HAUS1: variants seen among roughly 807,000 people sequenced by gnomAD.
HAUS1 encodes the protein HAUS augmin-like complex subunit 1.
HAUS1 carries 25 observed loss-of-function variants against 38.6 expected under a neutral mutation model. The ratio of observed to expected loss-of-function variants is 0.65; its 90% CI spans 0.47 to 0.91. The LOEUF is 0.91. Among genes scored for constraint, HAUS1 ranks in the 40% least tolerant of loss-of-function variants. The pLI is 0.00. For missense variants in HAUS1, 325 were observed against 328.4 expected (o/e 0.99, Z 0.08); for synonymous variants, 109 against 112.9 (o/e 0.97, Z 0.22).
In HAUS1 at chr18:46,123,286, T is replaced by A. The variant is rs199705963; in HGVS notation, c.601-13T>A. The stretch of plus-strand genomic sequence containing the variant: ...TAATTTTTTAACTGAACTCCTTTTT[T>A]TGGTAATTGTAGGAGCAACTTTCAG... On this transcript the variant is annotated splice_polypyrimidine_tract_variant and intron_variant, in intron 5 of 8. Coordinates refer to ENST00000282058, the MANE Select transcript of HAUS1 (RefSeq NM_138443.4). The A allele has an allele frequency of 5.0e-6, 8 of 1,586,034 alleles. No individual in the cohort carries two copies. The East Asian group carries it at 1.6e-4, about 31-fold the overall frequency.
chr18:46,124,416 CA>C lies in HAUS1; in HGVS notation c.667-386del, dbSNP rs34364685. Among the ~76,000 whole-genome samples, 575 of 87,618 alleles carry C rather than the reference CA, an allele frequency of 6.6e-3. 2 individuals carry two copies. The highest frequency in any genetic ancestry group is 0.017 in the African/African-American group (407 of 24,402). 57.5% of individuals were successfully genotyped at this position (87,618 alleles called of 152,430 possible). A position where few individuals can be genotyped will look rare whatever the true frequency, so the allele number is the denominator to read the frequency against. ...TGGGTGACAGAGCAAGACTCTATCTCAAAAAAAAAAAAAAAAAAAATTAGCC... is the reference window on the plus strand; with the variant it reads ...TGGGTGACAGAGCAAGACTCTATCTCAAAAAAAAAAAAAAAAAAATTAGCC... On this transcript the variant is annotated intron_variant, in intron 6 of 8. Coordinates refer to ENST00000282058, the MANE Select transcript of HAUS1 (RefSeq NM_138443.4).
chr18:46,118,071 T>C (rs1911841936), intron 2 of HAUS1, 110 bp from the exon 3 acceptor site: 2 of 1,001,284 alleles, frequency 2.0e-6, no homozygotes. Context: ...CTGAATTACA[T>C]ACATACCTTA....
intron 8 of HAUS1, 114 bp from the exon 9 acceptor site, chr18:46,127,961 A>T (rs1159548094): frequency 7.5e-6 from 4 of 536,436 alleles, no homozygotes; most frequent in South Asian, 3.7e-5. Context: ...TGGTATTTTT[A>T]AAATTTTTTG....
chr18:46,109,044 C>T (rs1911551091), intron 2 of HAUS1, among the ~76,000 whole-genome samples: 1 of 145,436 alleles, frequency 6.9e-6, no homozygotes, highest in African/African-American at 2.6e-5. Context: ...GCACTCTAGC[C>T]TGGGAGACAG....
At chr18:46,125,627 A>C in intron 7 of HAUS1, 117 bp from the exon 8 acceptor site, 1 of 651,396 alleles carries the variant, frequency 1.5e-6, no homozygotes, top group East Asian at 2.8e-5. Context: ...TGTTATATGT[A>C]CATTGGGTAT....
At chr18:46,127,160 CG>C (rs1168126763) in intron 8 of HAUS1, among the ~76,000 whole-genome samples, 3 of 150,796 alleles carry the variant, frequency 2.0e-5, no homozygotes, top group Non-Finnish European at 4.4e-5. Flanking sequence ...TTAGTAGAGA[CG>C]GGGTTTCACC....
At chr18:46,118,978 C>T (rs1158210770) in intron 3 of HAUS1, among the ~76,000 whole-genome samples, 1 of 152,274 alleles carries the variant, frequency 6.6e-6, no homozygotes, top group East Asian at 1.9e-4. Context: ...AGCGATTCTC[C>T]TACCTCAGCC....
intron 8 of HAUS1, chr18:46,126,801 T>TTTTTTTTATTTA (rs374499999): frequency 3.6e-5 from 5 of 138,116 alleles, no homozygotes; most frequent in Non-Finnish European, 6.2e-5. Flanking sequence ...ATTTTTGCAT[T>TTTTTTTTATTTA]TTTATTTATT....
intron 3 of HAUS1, among the ~76,000 whole-genome samples, chr18:46,119,284 A>G (rs997473835): frequency 6.6e-6 from 1 of 152,236 alleles, no homozygotes; most frequent in African/African-American, 2.4e-5. Flanking sequence ...TTTAGGTATA[A>G]GAGCATCCCT....
intron 2 of HAUS1, among the ~76,000 whole-genome samples, chr18:46,110,779 C>T (rs28809822): frequency 0.16 from 24,309 of 151,654 alleles, 2,731 homozygotes; most frequent in East Asian, 0.39. Context: ...TGTTATTTCA[C>T]TGTCTTCTGG....
At chr18:46,119,413 C>CTT (rs146755160) in intron 3 of HAUS1, among the ~76,000 whole-genome samples, 31 of 146,548 alleles carry the variant, frequency 2.1e-4, no homozygotes, top group African/African-American at 7.5e-4. Context: ...AATTTCTTGC[C>CTT]TTTTTTTTTT....
In HAUS1 at chr18:46,108,505, G is replaced by T. The variant is rs112883214; in HGVS notation, c.205+3137G>T. Reference sequence around the variant, plus strand: ...TTTAGTCTGCTCTTCTTTTTTCAGTGTCTTAAAATGGAAAGTTAGGTTATT... The same window carrying T: ...TTTAGTCTGCTCTTCTTTTTTCAGTTTCTTAAAATGGAAAGTTAGGTTATT... On this transcript the variant is annotated intron_variant, in intron 2 of 8. Transcript: ENST00000282058. Among the ~76,000 whole-genome samples, 893 of 151,776 alleles carry T rather than the reference G, an allele frequency of 5.9e-3. 19 individuals carry two copies. The highest frequency in any genetic ancestry group is 0.034 in the Admixed American group (518 of 15,226).
intron 2 of HAUS1, among the ~76,000 whole-genome samples, chr18:46,108,699 G>A (rs1343595871): frequency 6.6e-6 from 1 of 152,022 alleles, no homozygotes; most frequent in African/African-American, 2.4e-5. Context: ...TTGGTTATTA[G>A]GAGTGTGTTG....
chr18:46,113,711 T>C (rs1911732151), intron 2 of HAUS1, among the ~76,000 whole-genome samples: 2 of 152,214 alleles, frequency 1.3e-5, no homozygotes, highest in Non-Finnish European at 2.9e-5. Flanking sequence ...GTCTTATTCT[T>C]TGCATTCCTC....
chr18:46,125,746 T>C lies in HAUS1; in HGVS notation c.741T>C (p.Asn247=), dbSNP rs1912085941. 1 of 1,593,426 alleles carries C rather than the reference T, an allele frequency of 6.3e-7. No individual in the cohort carries two copies. Among genetic ancestry groups the C allele is most frequent in the Admixed American group, 1.7e-5 (1 of 59,310 alleles). The change falls in exon 8 of 9, where the codon AAT becomes AAC. Residue 247 remains asparagine, a splice_region_variant and synonymous_variant. Transcript: ENST00000282058. ...CCTTGTTTTATTTTTTTTTAAAGAATCCGTCTCTTGCTCAAGTGAAAATTG... is the reference window on the plus strand; with the variant it reads ...CCTTGTTTTATTTTTTTTTAAAGAACCCGTCTCTTGCTCAAGTGAAAATTG... The part of the protein sequence containing the change: ...KLESYLDLMP[N]PSLAQVKIEE...
chr18:46,118,462 ATAAT>A lies in HAUS1; in HGVS notation c.341+152_341+155del. Reference sequence around the variant, plus strand: ...TTACTTCATGTCTTTGCCAGTGAGTATAATTAATTTGGATAAATATGGTATTGGT... The same window carrying A: ...TTACTTCATGTCTTTGCCAGTGAGTATAATTTGGATAAATATGGTATTGGT... On this transcript the variant is annotated intron_variant, in intron 3 of 8. Transcript: ENST00000282058. 4.4e-6 allele frequency: 3 copies of A among 681,580 alleles called. No individual in the cohort carries two copies. The South Asian group carries it at 5.9e-5, about 13-fold the overall frequency. The allele number at this position is 681,580 out of a possible 1,614,324, so 42.2% of individuals were successfully genotyped here. A position where few individuals can be genotyped will look rare whatever the true frequency, so the allele number is the denominator to read the frequency against.
At chr18:46,124,690 GC>G in intron 6 of HAUS1, 131 bp from the exon 7 acceptor site, 1 of 520,256 alleles carries the variant, frequency 1.9e-6, no homozygotes, top group Non-Finnish European at 3.4e-6. Context: ...TATCTTTGAA[GC>G]TTTTTATTCG....
chr18:46,123,324 A>T lies in HAUS1; in HGVS notation c.626A>T (p.Asp209Val). ...GAGCAACTTTCAGCCAGAGGCATGG[A>T]TGCTTCTCTGTCTCATCAGTCCTTA... The part of the protein sequence containing the change: ...AEEQLSARGM[D>V]ASLSHQSLVA... Residue 209 changes from aspartate (D) to valine (V), a missense_variant, in exon 6 of 9, where the codon GAT becomes GTT. Asp to Val is a radical substitution (Grantham distance 152). Transcript: ENST00000282058. The T allele has an allele frequency of 1.2e-6, 2 of 1,612,570 alleles. No homozygotes were observed. The highest frequency in any genetic ancestry group is 1.7e-6 in the Non-Finnish European group (2 of 1,179,028).
At chr18:46,120,284 G>T (rs1911901004) in intron 4 of HAUS1, among the ~76,000 whole-genome samples, 1 of 151,858 alleles carries the variant, frequency 6.6e-6, no homozygotes, top group South Asian at 2.1e-4. Flanking sequence ...ACCCAGGCTG[G>T]AGTACAGTGG....
Sources: allele counts gnomAD v4.1 joint callset (sites outside exome capture counted in the v4.1 genomes callset), GRCh38; gene constraint gnomAD v4.1.1; transcripts MANE v1.5; gene names NCBI Gene and HGNC (gene_info 2026-07-23, HGNC 2026-07-21).